The following DSCAM variants were observed in gnomAD, a reference collection of about 807,000 sequenced individuals.
DSCAM encodes the protein cell adhesion molecule DSCAM.
Under a neutral mutation model 217.7 loss-of-function variants are expected in DSCAM, and 47 were observed. The ratio of observed to expected loss-of-function variants is 0.22; its 90% CI spans 0.17 to 0.28. DSCAM has a LOEUF of 0.28. Ranked by LOEUF, DSCAM falls within the 10% of genes least tolerant of loss-of-function variation. The probability of loss-of-function intolerance (pLI) is 1.00; values close to 1 mark genes in which losing one functional copy is unlikely to be tolerated. For missense variants in DSCAM, 2,080 were observed against 2,618.3 expected (o/e 0.79, Z 4.49); for synonymous variants, 1,056 against 1,015.3 (o/e 1.04, Z -0.76).
At chr21:40,115,862 A>G (rs1601346305) in intron 20 of DSCAM, among the ~76,000 whole-genome samples, 1 of 152,370 alleles carries the variant, frequency 6.6e-6, no homozygotes, top group Non-Finnish European at 1.5e-5. Context: ...ACATATATTC[A>G]TTGCAGCTCT....
chr21:40,122,878 G>C (rs2090050195), intron 20 of DSCAM, among the ~76,000 whole-genome samples: 1 of 152,146 alleles, frequency 6.6e-6, no homozygotes, highest in African/African-American at 2.4e-5. Context: ...GGCCTCAGGG[G>C]CACCTGTGGA....
chr21:40,071,366 G>A (rs2089290712), intron 27 of DSCAM, among the ~76,000 whole-genome samples: 1 of 152,200 alleles, frequency 6.6e-6, no homozygotes. Flanking sequence ...CAGGAAGAGA[G>A]AATATAGGTT....
At chr21:40,383,693 C>T (rs988717912) in intron 3 of DSCAM, 2 of 152,136 alleles carry the variant, frequency 1.3e-5, no homozygotes, top group African/African-American at 4.8e-5. Flanking sequence ...CTTTGGAAGG[C>T]AATTGTATCT....
chr21:40,771,876 G>C (rs1003255701), intron 1 of DSCAM, among the ~76,000 whole-genome samples: 1 of 152,036 alleles, frequency 6.6e-6, no homozygotes, highest in Admixed American at 6.6e-5. Context: ...TTTATTTTCA[G>C]GGAACGTGCG....
intron 15 of DSCAM, among the ~76,000 whole-genome samples, chr21:40,173,497 A>AT (rs1601408196): frequency 6.6e-6 from 1 of 152,150 alleles, no homozygotes; most frequent in African/African-American, 2.4e-5. Context: ...AATGACAAAA[A>AT]TCTACAGAGG....
intron 11 of DSCAM, among the ~76,000 whole-genome samples, chr21:40,270,410 T>C (rs192321251): frequency 5.6e-4 from 86 of 152,290 alleles, no homozygotes; most frequent in Non-Finnish European, 6.3e-4. Context: ...ATCTGAGTGT[T>C]GCATATGTGC....
At chr21:40,623,908 T>C (rs149008574) in intron 3 of DSCAM, among the ~76,000 whole-genome samples, 2 of 152,320 alleles carry the variant, frequency 1.3e-5, no homozygotes, top group Admixed American at 6.5e-5. Flanking sequence ...ATATTCACCA[T>C]TGATTTTATA....
At chr21:40,579,689 A>C (rs1055431321) in intron 3 of DSCAM, among the ~76,000 whole-genome samples, 2 of 152,254 alleles carry the variant, frequency 1.3e-5, no homozygotes, top group Non-Finnish European at 2.9e-5. Context: ...TCGCTAGAAA[A>C]TCATTACAAA....
At chr21:40,734,030 T>C (rs1377226875) in intron 1 of DSCAM, among the ~76,000 whole-genome samples, 3 of 152,188 alleles carry the variant, frequency 2.0e-5, no homozygotes, top group Non-Finnish European at 4.4e-5. Context: ...TACTGTTGAA[T>C]CTTAAACAGA....
intron 3 of DSCAM, among the ~76,000 whole-genome samples, chr21:40,478,518 C>T (rs1304950421): frequency 1.3e-5 from 2 of 152,140 alleles, no homozygotes; most frequent in African/African-American, 4.8e-5. Flanking sequence ...TTACATTGTA[C>T]TAAAATTATA....
chr21:40,299,877 CA>C (rs2073995682), intron 9 of DSCAM, among the ~76,000 whole-genome samples: 1 of 151,974 alleles, frequency 6.6e-6, no homozygotes, highest in Non-Finnish European at 1.5e-5. Flanking sequence ...TTTTTTTCTA[CA>C]AAATGGCAGC....
intron 3 of DSCAM, among the ~76,000 whole-genome samples, chr21:40,649,018 G>A (rs754476603): frequency 1.4e-4 from 21 of 152,186 alleles, no homozygotes; most frequent in Admixed American, 2.0e-4. Context: ...GGGGGATATC[G>A]CCAGCCATGG....
intron 3 of DSCAM, among the ~76,000 whole-genome samples, chr21:40,498,761 GTATATATATATATGGGTGTGTATATA>G (rs2076147049): frequency 1.7e-4 from 5 of 29,526 alleles, no homozygotes; most frequent in African/African-American, 6.1e-4. Context: ...ATATATGGGT[GTATATATATATATGGGTGTGTATATA>G]TATATATATA....
At chr21:40,588,018 A>G (rs1198027956) in intron 3 of DSCAM, among the ~76,000 whole-genome samples, 1 of 152,184 alleles carries the variant, frequency 6.6e-6, no homozygotes, top group Non-Finnish European at 1.5e-5. Flanking sequence ...AGCTGGGTGC[A>G]TGGCTTCCAA....
chr21:40,651,268 C>T lies in DSCAM; in HGVS notation c.508+41542G>A, dbSNP rs987419223. On this transcript the variant is annotated intron_variant, in intron 3 of 32. Coordinates refer to ENST00000400454, the MANE Select transcript of DSCAM (RefSeq NM_001389.5). ...GGTTTTGAATCACAATGTTTAACAC[C>T]GCAAGGCTTGAGGGTCTTCAGGCAA... Among the ~76,000 whole-genome samples the T allele has an allele frequency of 9.9e-5, 15 of 152,228 alleles. No homozygotes were observed. The East Asian group carries it at 1.4e-3, about 14-fold the overall frequency.
chr21:40,520,364 C>T (rs1007582959), intron 3 of DSCAM, among the ~76,000 whole-genome samples: 1 of 152,098 alleles, frequency 6.6e-6, no homozygotes, highest in Non-Finnish European at 1.5e-5. Flanking sequence ...CAATGCAATG[C>T]TATTATCTTC....
intron 11 of DSCAM, among the ~76,000 whole-genome samples, chr21:40,252,135 A>G (rs1263556103): frequency 1.3e-5 from 2 of 152,236 alleles, no homozygotes; most frequent in East Asian, 3.9e-4. Flanking sequence ...CCAGGACCTC[A>G]GTAAGCTATG....
At chr21:40,510,624 G>C (rs1490195523) in intron 3 of DSCAM, among the ~76,000 whole-genome samples, 3 of 152,222 alleles carry the variant, frequency 2.0e-5, no homozygotes, top group African/African-American at 4.8e-5. Flanking sequence ...AGAAGGAAGA[G>C]AACTCCTCAC....
At chr21:40,453,643 C>T (rs2075740045) in intron 3 of DSCAM, among the ~76,000 whole-genome samples, 1 of 152,196 alleles carries the variant, frequency 6.6e-6, no homozygotes, top group African/African-American at 2.4e-5. Context: ...ATATTTGCTG[C>T]TGTTGACAAG....
Sources: allele counts gnomAD v4.1 joint callset (sites outside exome capture counted in the v4.1 genomes callset), GRCh38; gene constraint gnomAD v4.1.1; transcripts MANE v1.5; gene names NCBI Gene and HGNC (gene_info 2026-07-23, HGNC 2026-07-21).